Variants in SDK1 observed in about 807,000 individuals in gnomAD.
The protein encoded by SDK1 is sidekick cell adhesion molecule 1, also known as protein sidekick-1.
Under a neutral mutation model 245.5 loss-of-function variants are expected in SDK1, and 157 were observed. The ratio of observed to expected loss-of-function variants is 0.64; its 90% CI spans 0.56 to 0.73. The LOEUF (loss-of-function observed/expected upper bound fraction) is 0.73, where lower values mean the gene tolerates loss of function less well. SDK1 is among the 30% of genes least tolerant of loss of function. SDK1 has a pLI of 0.00. For missense variants in SDK1, 3,583 were observed against 3,002.3 expected, an observed-to-expected ratio of 1.19 and a Z score of -4.52; for synonymous variants, 1,647 against 1,278.5, an observed-to-expected ratio of 1.29 and a Z score of -6.15.
chr7:3,742,646 C>G (rs1308979278), intron 4 of SDK1, among the ~76,000 whole-genome samples: 1 of 152,166 alleles, frequency 6.6e-6, no homozygotes, highest in South Asian at 2.1e-4. Context: ...CAAGCACAGC[C>G]ATTCTTATGA....
chr7:4,256,452 G>A (rs1787633278), intron 44 of SDK1, among the ~76,000 whole-genome samples: 1 of 152,232 alleles, frequency 6.6e-6, no homozygotes, highest in African/African-American at 2.4e-5. Flanking sequence ...AGAAAAGGCT[G>A]TTAGAGAAGA....
At chr7:3,569,802 C>G (rs906161898) in intron 1 of SDK1, among the ~76,000 whole-genome samples, 12 of 152,094 alleles carry the variant, frequency 7.9e-5, no homozygotes, top group Middle Eastern at 3.2e-3. Context: ...TGTTAACTTT[C>G]GGAGGAAAAA....
intron 35 of SDK1, among the ~76,000 whole-genome samples, chr7:4,179,860 G>C (rs529956963): frequency 1.5e-4 from 23 of 152,042 alleles, no homozygotes; most frequent in African/African-American, 5.5e-4. Context: ...CATGGCTGGG[G>C]GTGGGTCAGC....
In SDK1 at chr7:3,961,198, C is replaced by T. The variant is rs191619316; in HGVS notation, c.1235-1459C>T. On this transcript the variant is annotated intron_variant, in intron 8 of 44. Transcript: ENST00000404826. ...TTGACAGTGAAACTATAGCAGCATG[C>T]GAAGTGGTTATTCCTTATGAAAGTG... Among the ~76,000 whole-genome samples, 254 of 152,232 alleles carry T rather than the reference C, an allele frequency of 1.7e-3. 1 individual carries two copies. Among genetic ancestry groups the T allele is most frequent in the African/African-American group, 5.9e-3 (247 of 41,532 alleles).
chr7:3,791,001 C>A (rs1187252851), intron 4 of SDK1, among the ~76,000 whole-genome samples: 1 of 152,090 alleles, frequency 6.6e-6, no homozygotes, highest in African/African-American at 2.4e-5. Flanking sequence ...TGACCTTGGG[C>A]AAGTTACTTA....
chr7:3,638,118 T>C (rs2128650726), intron 2 of SDK1, among the ~76,000 whole-genome samples: 1 of 152,378 alleles, frequency 6.6e-6, no homozygotes, highest in East Asian at 1.9e-4. Context: ...GAGTTATATC[T>C]CCTGTGTGCA....
At chr7:3,720,910 C>T (rs1785348355) in intron 4 of SDK1, among the ~76,000 whole-genome samples, 1 of 152,162 alleles carries the variant, frequency 6.6e-6, no homozygotes, top group African/African-American at 2.4e-5. Flanking sequence ...ACACATCGCT[C>T]ATAATAAGAA....
intron 4 of SDK1, among the ~76,000 whole-genome samples, chr7:3,725,001 T>G (rs1194597548): frequency 6.6e-6 from 1 of 152,260 alleles, no homozygotes; most frequent in African/African-American, 2.4e-5. Flanking sequence ...CTCAGAGGCC[T>G]TCTTAAGCTG....
chr7:3,563,626 C>T (rs1472139324), intron 1 of SDK1, among the ~76,000 whole-genome samples: 1 of 152,162 alleles, frequency 6.6e-6, no homozygotes, highest in Non-Finnish European at 1.5e-5. Flanking sequence ...ACACACTGTT[C>T]TCAGAAATTA....
At chr7:3,780,868 C>T (rs369351259) in intron 4 of SDK1, among the ~76,000 whole-genome samples, 10 of 152,252 alleles carry the variant, frequency 6.6e-5, no homozygotes, top group African/African-American at 2.2e-4. Context: ...AGGAGACTCC[C>T]AGCTCCACAG....
rs116457518 is a variant in SDK1 at position 3,563,556 on chromosome 7, T to C, written c.299-55524T>C. Among the ~76,000 whole-genome samples the C allele has an allele frequency of 2.1e-3, 317 of 152,308 alleles. 2 individuals carry two copies. The highest frequency in any genetic ancestry group is 7.5e-3 in the African/African-American group (312 of 41,562). ...TAATCTGCAATATAGTTTGAAAATATATCCAGCAACAATTGACAGAATTGC... is the reference window on the plus strand; with the variant it reads ...TAATCTGCAATATAGTTTGAAAATACATCCAGCAACAATTGACAGAATTGC... On this transcript the variant is annotated intron_variant, in intron 1 of 44. Coordinates refer to ENST00000404826, the MANE Select transcript of SDK1 (RefSeq NM_152744.4).
chr7:3,741,079 A>G (rs760837602), intron 4 of SDK1, among the ~76,000 whole-genome samples: 2 of 152,130 alleles, frequency 1.3e-5, no homozygotes, highest in Non-Finnish European at 2.9e-5. Flanking sequence ...GATTATAGAA[A>G]ACTTGGCTTC....
At chr7:3,900,505 C>G (rs945787797) in intron 5 of SDK1, among the ~76,000 whole-genome samples, 1 of 152,118 alleles carries the variant, frequency 6.6e-6, no homozygotes, top group African/African-American at 2.4e-5. Flanking sequence ...CTCGTCCTGC[C>G]CATCCTTCTT....
intron 5 of SDK1, among the ~76,000 whole-genome samples, chr7:3,913,240 T>C (rs572345991): frequency 6.6e-6 from 1 of 152,094 alleles, no homozygotes; most frequent in African/African-American, 2.4e-5. Flanking sequence ...CCCGGTCTTC[T>C]TGCCTCCTGG....
chr7:3,989,248 C>T (rs1209068078), intron 14 of SDK1, among the ~76,000 whole-genome samples: 1 of 152,214 alleles, frequency 6.6e-6, no homozygotes, highest in Non-Finnish European at 1.5e-5. Context: ...AAAGTCATGT[C>T]TCACATGGCG....
At chr7:3,513,185 G>C (rs1186710948) in intron 1 of SDK1, among the ~76,000 whole-genome samples, 1 of 152,158 alleles carries the variant, frequency 6.6e-6, no homozygotes, top group Non-Finnish European at 1.5e-5. Context: ...TAGTCTTTCA[G>C]ATGTTTTTCA....
At chr7:3,809,191 C>T (rs1203616768) in intron 4 of SDK1, among the ~76,000 whole-genome samples, 1 of 152,014 alleles carries the variant, frequency 6.6e-6, no homozygotes, top group Non-Finnish European at 1.5e-5. Context: ...ATGGCGAGAG[C>T]AGGAGCAAGA....
intron 1 of SDK1, among the ~76,000 whole-genome samples, chr7:3,404,736 G>A (rs1779004679): frequency 1.3e-5 from 2 of 152,198 alleles, no homozygotes; most frequent in South Asian, 2.1e-4. Context: ...CTGTCCAGTA[G>A]TACAATATGG....
intron 4 of SDK1, among the ~76,000 whole-genome samples, chr7:3,759,917 C>T (rs1012344769): frequency 6.6e-6 from 1 of 152,048 alleles, no homozygotes; most frequent in African/African-American, 2.4e-5. Flanking sequence ...TTAAGTTGTC[C>T]GCATTCTTTT....
Sources: gnomAD v4.1 joint callset for allele counts (sites outside exome capture counted in the v4.1 genomes callset) on GRCh38, gnomAD v4.1.1 for gene constraint, MANE v1.5 for transcripts, NCBI Gene and HGNC (gene_info 2026-07-23, HGNC 2026-07-21) for gene names.